Variants in PDE8B observed in about 807,000 individuals in gnomAD.
PDE8B encodes the protein phosphodiesterase 8B.
A neutral mutation model predicts 101.3 loss-of-function variants in PDE8B; 26 were observed. The ratio of observed to expected loss-of-function variants is 0.26; its 90% CI spans 0.19 to 0.36. PDE8B has a LOEUF of 0.36. Among genes scored for constraint, PDE8B ranks in the 10% least tolerant of loss-of-function variants. The pLI, the probability that PDE8B is intolerant of heterozygous loss-of-function variation, is 1.00. For missense variants in PDE8B, 810 were observed against 1,163.1 expected, an observed-to-expected ratio of 0.70 and a Z score of 4.42; for synonymous variants, 424 against 429.3, an observed-to-expected ratio of 0.99 and a Z score of 0.15.
At chr5:77,375,593 A>G (rs563244704) in intron 10 of PDE8B, among the ~76,000 whole-genome samples, 4 of 152,110 alleles carry the variant, frequency 2.6e-5, no homozygotes, top group Non-Finnish European at 5.9e-5. Flanking sequence ...TCCATCAGCC[A>G]GGCCACCCCA....
At position 77,374,498 on chromosome 5, in the gene PDE8B, G is replaced by GT. The variant is rs1785684392; in HGVS notation, c.1167+21098dup. On this transcript the variant is annotated intron_variant, in intron 10 of 21. Coordinates refer to ENST00000264917, the MANE Select transcript of PDE8B (RefSeq NM_003719.5). The stretch of plus-strand genomic sequence containing the variant: ...TAAAAGCCATTTTATTTATCCATTG[G>GT]TTTTTTAGTTAAATCTCTTGGCATT... Among the ~76,000 whole-genome samples, 4 of 151,930 alleles carry GT rather than the reference G, an allele frequency of 2.6e-5. No individual in the cohort carries two copies. In the South Asian group the frequency reaches 8.3e-4, roughly 32 times the overall value.
intron 1 of PDE8B, among the ~76,000 whole-genome samples, chr5:77,259,462 G>A (rs138056078): frequency 1.3e-5 from 2 of 152,168 alleles, no homozygotes; most frequent in Non-Finnish European, 2.9e-5. Flanking sequence ...CTTCTCTGGT[G>A]GCAACTTGTG....
At chr5:77,275,647 A>G (rs1763707102) in intron 1 of PDE8B, among the ~76,000 whole-genome samples, 1 of 152,230 alleles carries the variant, frequency 6.6e-6, no homozygotes, top group Non-Finnish European at 1.5e-5. Flanking sequence ...TTGCTGCACA[A>G]TTCTCCTTAG....
At chr5:77,258,972 G>A (rs1453421233) in intron 1 of PDE8B, among the ~76,000 whole-genome samples, 2 of 150,542 alleles carry the variant, frequency 1.3e-5, no homozygotes, top group African/African-American at 2.4e-5. Context: ...CTCTCTTTAG[G>A]TACTGAATAC....
intron 1 of PDE8B, among the ~76,000 whole-genome samples, chr5:77,262,663 C>T (rs368831332): frequency 3.3e-5 from 5 of 152,250 alleles, no homozygotes; most frequent in East Asian, 1.9e-4. Context: ...TGTTGCATAC[C>T]GGAATTGGTT....
the PDE8B span, among the ~76,000 whole-genome samples, chr5:77,096,421 T>C: frequency 2.6e-5 from 4 of 152,302 alleles, no homozygotes; most frequent in East Asian, 5.8e-4. Flanking sequence ...CTGGGTAATT[T>C]ATAATGAACG....
intron 1 of PDE8B, among the ~76,000 whole-genome samples, chr5:77,266,003 G>C (rs186429253): frequency 6.6e-6 from 1 of 152,182 alleles, no homozygotes; most frequent in East Asian, 1.9e-4. Flanking sequence ...GCCTGACTGC[G>C]CTGCTCAGGA....
chr5:77,220,287 A>T (rs916389833), intron 1 of PDE8B, among the ~76,000 whole-genome samples: 5 of 152,176 alleles, frequency 3.3e-5, no homozygotes, highest in Admixed American at 6.5e-5. Context: ...TGGAGCCTTC[A>T]TCCCTTGGGA....
At chr5:77,223,889 C>T (rs1040946418) in intron 1 of PDE8B, among the ~76,000 whole-genome samples, 8 of 152,192 alleles carry the variant, frequency 5.3e-5, no homozygotes, top group Non-Finnish European at 1.0e-4. Flanking sequence ...TGTGGGCTGG[C>T]GGGTGTCAGC....
the PDE8B span, among the ~76,000 whole-genome samples, chr5:77,190,225 GAGGGGCAAACCTTCCAGGGAGTTCTA>G: frequency 6.6e-6 from 1 of 152,142 alleles, no homozygotes; most frequent in East Asian, 1.9e-4. Flanking sequence ...GGTTTCCCTG[GAGGGGCAAACCTTCCAGGGAGTTCTA>G]AGGCCAGTCC....
In PDE8B at chr5:77,349,574, C is replaced by T; in HGVS notation, c.1017+15C>T. On this transcript the variant is annotated intron_variant, in intron 8 of 21. Transcript: ENST00000264917. Reference sequence around the variant, plus strand: ...AGAAGGGAAAGGTGGGTTACACCAGCAAAACCAATCCACGAACCCTCTCCC... The same window carrying T: ...AGAAGGGAAAGGTGGGTTACACCAGTAAAACCAATCCACGAACCCTCTCCC... 1 of 1,614,066 alleles carries T rather than the reference C, an allele frequency of 6.2e-7. No homozygotes were observed. Among genetic ancestry groups the T allele is most frequent in the South Asian group, 1.1e-5 (1 of 91,076 alleles).
intron 1 of PDE8B, among the ~76,000 whole-genome samples, chr5:77,300,087 G>T (rs939068571): frequency 5.9e-5 from 9 of 152,216 alleles, no homozygotes; most frequent in Admixed American, 2.0e-4. Flanking sequence ...CCAGTGTTCT[G>T]CAGTGTAGGC....
At chr5:77,168,177 C>T in the PDE8B span, among the ~76,000 whole-genome samples, 1 of 152,218 alleles carries the variant, frequency 6.6e-6, no homozygotes, top group Non-Finnish European at 1.5e-5. Flanking sequence ...AGTCTATCTC[C>T]ATCCTGCCCC....
the PDE8B span, among the ~76,000 whole-genome samples, chr5:77,184,050 C>T: frequency 5.3e-5 from 8 of 151,952 alleles, no homozygotes; most frequent in Admixed American, 3.9e-4. Context: ...TCACTGCAGG[C>T]TTGACCTCCC....
intron 1 of PDE8B, among the ~76,000 whole-genome samples, chr5:77,305,515 C>A (rs1374331419): frequency 1.3e-5 from 2 of 152,072 alleles, no homozygotes; most frequent in Non-Finnish European, 2.9e-5. Context: ...GCACAGTTGG[C>A]AGGGGAGAGA....
chr5:77,126,056 G>A, the PDE8B span, among the ~76,000 whole-genome samples: 1 of 152,146 alleles, frequency 6.6e-6, no homozygotes, highest in Non-Finnish European at 1.5e-5. Flanking sequence ...GGAGGCTGAG[G>A]TGGGCGGATC....
the PDE8B span, among the ~76,000 whole-genome samples, chr5:77,156,393 A>T: frequency 6.6e-6 from 1 of 152,184 alleles, no homozygotes; most frequent in South Asian, 2.1e-4. Context: ...TGCTGAGGAG[A>T]GTTCAGACTG....
chr5:77,172,492 C>A, the PDE8B span, among the ~76,000 whole-genome samples: 1 of 152,168 alleles, frequency 6.6e-6, no homozygotes, highest in Non-Finnish European at 1.5e-5. Flanking sequence ...TCTCAGGGAA[C>A]AAAGAACATC....
intron 7 of PDE8B, among the ~76,000 whole-genome samples, chr5:77,346,624 G>T (rs1039734695): frequency 1.6e-4 from 24 of 152,222 alleles, no homozygotes; most frequent in Non-Finnish European, 3.5e-4. Context: ...GCGATGAACA[G>T]GAAGAAGCAG....
Sources: allele counts gnomAD v4.1 joint callset (sites outside exome capture counted in the v4.1 genomes callset), GRCh38; gene constraint gnomAD v4.1.1; transcripts MANE v1.5; gene names NCBI Gene and HGNC (gene_info 2026-07-23, HGNC 2026-07-21).